MFSD8: variants seen among roughly 807,000 people sequenced by gnomAD.
MFSD8 encodes major facilitator superfamily domain-containing protein 8.
In MFSD8, 55 loss-of-function variants were observed where a neutral mutation model predicts 66.4. The observed-to-expected ratio is 0.83, with a 90% confidence interval of 0.67 to 1.04. The LOEUF (loss-of-function observed/expected upper bound fraction) is 1.04. Ranked by LOEUF, MFSD8 falls within the 50% of genes least tolerant of loss-of-function variation. The pLI is 0.00. For synonymous variants in MFSD8, 202 were observed against 212.8 expected (o/e 0.95, Z 0.44); for missense variants, 550 against 627.6 (o/e 0.88, Z 1.32).
At chr4:127,940,557 TTTA>T (rs898089165) in intron 5 of MFSD8, among the ~76,000 whole-genome samples, 26 of 149,016 alleles carry the variant, frequency 1.7e-4, no homozygotes, top group South Asian at 4.2e-4. Context: ...TGTGTATATA[TTTA>T]TTATCATTTG....
In MFSD8 at chr4:127,930,752, C is replaced by G. The variant is rs118203975; in HGVS notation, c.929G>C (p.Gly310Ala). Reference sequence around the variant, plus strand: ...AACCCCAAGAGCAGCAAGTATTATGCCATTATATAACACAGCTTGTTCTTG... The same window carrying G: ...AACCCCAAGAGCAGCAAGTATTATGGCATTATATAACACAGCTTGTTCTTG... ...WTQEQAVLYN[G>A]IILAALGVEA... Residue 310 changes from glycine (G) to alanine (A), a missense_variant, in exon 9 of 12, where the codon GGC becomes GCC. By Grantham distance (60) the Gly-to-Ala change is moderately conservative. Coordinates refer to ENST00000641686, the MANE Select transcript of MFSD8 (RefSeq NM_001371596.2). The G allele has an allele frequency of 6.2e-7, 1 of 1,613,310 alleles. No homozygotes were observed.
chr4:127,936,560 T>C (rs1247042381), intron 7 of MFSD8, among the ~76,000 whole-genome samples: 2 of 152,038 alleles, frequency 1.3e-5, no homozygotes, highest in Admixed American at 1.3e-4. Context: ...ATCCTGTCTC[T>C]ATTAAAGAAA....
chr4:127,943,670 G>A lies in MFSD8; in HGVS notation c.439+82C>T, dbSNP rs924438939. On this transcript the variant is annotated intron_variant, in intron 4 of 11. Coordinates refer to ENST00000641686, the MANE Select transcript of MFSD8 (RefSeq NM_001371596.2). ...AACTGTGAAATATGAGTTTAAAAGG[G>A]GATGAGACCAGTTAAAAGTGAGCCA... 4 of 1,513,078 alleles carry A rather than the reference G, an allele frequency of 2.6e-6. No individual in the cohort carries two copies. In the Admixed American group the frequency reaches 6.8e-5, roughly 26 times the overall value. The allele number at this position is 1,513,078 out of a possible 1,614,324, so 93.7% of individuals were successfully genotyped here. A position where few individuals can be genotyped will look rare whatever the true frequency, so the allele number is the denominator to read the frequency against.
intron 9 of MFSD8, among the ~76,000 whole-genome samples, chr4:127,923,910 C>T (rs113704577): frequency 0.035 from 5,336 of 152,010 alleles, 313 homozygotes; most frequent in African/African-American, 0.12. Flanking sequence ...TGAGGATTTT[C>T]GCATCGATGT....
chr4:127,938,804 T>C lies in MFSD8; in HGVS notation c.733A>G (p.Lys245Glu). 2 of 1,610,690 alleles carry C rather than the reference T, an allele frequency of 1.2e-6. No individual in the cohort carries two copies. Among genetic ancestry groups the C allele is most frequent in the Non-Finnish European group, 1.7e-6 (2 of 1,177,760 alleles). ...HRVDDSGRQC[K>E]SINFEEASTD... ...GTACCTTCTTCAAAATTAATACTTT[T>C]ACACTGTCTTCCTGAGTCATCCACA... Residue 245 changes from lysine to glutamate, a missense_variant, in exon 7 of 12, where the codon AAA (lysine) becomes GAA (glutamate). Physicochemically the swap from Lys to Glu is moderately conservative, Grantham distance 56. Transcript: ENST00000641686.
intron 6 of MFSD8, chr4:127,939,558 T>C (rs774651457): frequency 2.5e-4 from 49 of 196,362 alleles, no homozygotes; most frequent in Non-Finnish European, 3.9e-4. Context: ...TGAGCCGAGA[T>C]AGTGCCACTG....
At chr4:127,940,779 G>A (rs577866911) in intron 5 of MFSD8, among the ~76,000 whole-genome samples, 1 of 151,826 alleles carries the variant, frequency 6.6e-6, no homozygotes, top group East Asian at 1.9e-4. Context: ...GAAGAGTACT[G>A]GTTTGCTCTT....
At chr4:127,944,133 A>G (rs1740654658) in intron 3 of MFSD8, 141 bp from the exon 4 acceptor site, 1 of 1,156,048 alleles carries the variant, frequency 8.7e-7, no homozygotes, top group Non-Finnish European at 1.2e-6. Flanking sequence ...TATTACTTAT[A>G]GTAAGGGATT....
chr4:127,932,259 A>G (rs1246518553), intron 8 of MFSD8: 1 of 152,372 alleles, frequency 6.6e-6, no homozygotes, highest in East Asian at 1.9e-4. Flanking sequence ...ACCTACAAGT[A>G]CTAACATAAA....
In MFSD8 at chr4:127,953,360, T is replaced by A. The variant is rs954422345; in HGVS notation, c.155-3513A>T. 2.0e-5 allele frequency among the ~76,000 whole-genome samples: 3 copies of A among 151,272 alleles called. No homozygotes were observed. In the South Asian group the frequency reaches 6.3e-4, roughly 32 times the overall value. ...AACATTAGCTGGGCATGGTGCCGCA[T>A]GCCTGTAATCCCAACTACTTGGAAG... On this transcript the variant is annotated intron_variant, in intron 2 of 11. Transcript: ENST00000641686.
intron 7 of MFSD8, among the ~76,000 whole-genome samples, chr4:127,936,514 C>A (rs1739104338): frequency 6.6e-6 from 1 of 151,922 alleles, no homozygotes; most frequent in East Asian, 1.9e-4. Flanking sequence ...TCACTTGAGT[C>A]CAGGAGTTTA....
At chr4:127,963,728 T>C (rs989166774) in intron 1 of MFSD8, among the ~76,000 whole-genome samples, 2 of 152,166 alleles carry the variant, frequency 1.3e-5, no homozygotes, top group African/African-American at 4.8e-5. Flanking sequence ...GTAGCAAGAT[T>C]TATCGCAAAG....
At chr4:127,924,564 C>T (rs1208302093) in intron 9 of MFSD8, among the ~76,000 whole-genome samples, 2 of 152,118 alleles carry the variant, frequency 1.3e-5, no homozygotes, top group East Asian at 3.9e-4. Context: ...AGGAGAACTA[C>T]AAACCACTGC....
At chr4:127,938,390 T>C (rs1739430793) in intron 7 of MFSD8, among the ~76,000 whole-genome samples, 1 of 151,982 alleles carries the variant, frequency 6.6e-6, no homozygotes, top group South Asian at 2.1e-4. Context: ...GAGACCATCC[T>C]GGCTAACATG....
At chr4:127,932,655 T>C (rs1738348263) in intron 8 of MFSD8, 6 of 212,556 alleles carry the variant, frequency 2.8e-5, no homozygotes, top group African/African-American at 9.5e-5. Flanking sequence ...TATATACATA[T>C]ATGTAGGAAA....
At chr4:127,963,263 T>C (rs942216315) in intron 1 of MFSD8, among the ~76,000 whole-genome samples, 3 of 152,244 alleles carry the variant, frequency 2.0e-5, no homozygotes, top group Non-Finnish European at 4.4e-5. Context: ...AGGTCATTAC[T>C]AAGACCGATA....
chr4:127,962,182 C>A (rs1342222382), intron 1 of MFSD8, among the ~76,000 whole-genome samples: 1 of 152,072 alleles, frequency 6.6e-6, no homozygotes, highest in Non-Finnish European at 1.5e-5. Flanking sequence ...GGCCTCAGAG[C>A]CTATTGAGAC....
intron 9 of MFSD8, among the ~76,000 whole-genome samples, chr4:127,930,278 C>T (rs901750024): frequency 6.6e-5 from 10 of 151,662 alleles, no homozygotes; most frequent in African/African-American, 1.7e-4. Context: ...GGAAATGACA[C>T]AAATTTTATT....
In MFSD8 at chr4:127,947,406, C is replaced by T. The variant is rs1054117024; in HGVS notation, c.198+2398G>A. Among the ~76,000 whole-genome samples the T allele has an allele frequency of 1.8e-3, 280 of 151,796 alleles. 1 individual carries two copies. Among genetic ancestry groups the T allele is most frequent in the African/African-American group, 6.6e-3 (273 of 41,398 alleles). The stretch of plus-strand genomic sequence containing the variant: ...CAGCCTGGCCGGTATGGTGAAACCC[C>T]GTCTCTACTAAAAATACAAAAATTA... On this transcript the variant is annotated intron_variant, in intron 3 of 11. Coordinates refer to ENST00000641686, the MANE Select transcript of MFSD8 (RefSeq NM_001371596.2).
Sources: gnomAD v4.1 joint callset for allele counts (sites outside exome capture counted in the v4.1 genomes callset) on GRCh38, gnomAD v4.1.1 for gene constraint, MANE v1.5 for transcripts, NCBI Gene and HGNC (gene_info 2026-07-23, HGNC 2026-07-21) for gene names.